The following GALNTL6 variants were observed in gnomAD, a reference collection of about 807,000 sequenced individuals.
GALNTL6 encodes polypeptide N-acetylgalactosaminyltransferase like 6.
GALNTL6 carries 46 observed loss-of-function variants against 73.7 expected under a neutral mutation model. The ratio of observed to expected loss-of-function variants is 0.62; its 90% confidence interval spans 0.49 to 0.80. The LOEUF (loss-of-function observed/expected upper bound fraction) is 0.80, where lower values mean the gene tolerates loss of function less well. GALNTL6 is among the 30% of genes least tolerant of loss of function. The probability of loss-of-function intolerance (pLI) is 0.00; values close to 1 mark genes in which losing one functional copy is unlikely to be tolerated. For missense variants in GALNTL6, 604 were observed against 755.0 expected (o/e 0.80, Z 2.34); for synonymous variants, 259 against 263.7 (o/e 0.98, Z 0.17).
chr4:172,561,719 C>A (rs959491741), intron 5 of GALNTL6, among the ~76,000 whole-genome samples: 4 of 152,090 alleles, frequency 2.6e-5, no homozygotes, highest in Non-Finnish European at 5.9e-5. Context: ...ACCTGGGAAG[C>A]CTCTTAAAAT....
chr4:171,944,524 A>G lies in GALNTL6; in HGVS notation c.138+129806A>G, dbSNP rs574342815. On this transcript the variant is annotated intron_variant, in intron 2 of 12. Transcript: ENST00000506823. The stretch of plus-strand genomic sequence containing the variant: ...TACAGTGATTTCTACTGGTGTTTTC[A>G]AAGAAAAAGTCCTATTATTCTATAA... Among the ~76,000 whole-genome samples, 6 of 152,160 alleles carry G rather than the reference A, an allele frequency of 3.9e-5. No homozygotes were observed. The South Asian group carries it at 6.2e-4, about 16-fold the overall frequency.
intron 9 of GALNTL6, 96 bp downstream of exon 9, chr4:172,931,364 C>G: frequency 3.9e-6 from 3 of 775,736 alleles, no homozygotes; most frequent in Non-Finnish European, 7.1e-6. Flanking sequence ...GAAAAGCTCT[C>G]CAGTGTACAG....
intron 5 of GALNTL6, among the ~76,000 whole-genome samples, chr4:172,482,802 T>C (rs1379026696): frequency 6.6e-6 from 1 of 152,226 alleles, no homozygotes; most frequent in Non-Finnish European, 1.5e-5. Context: ...AATGTCGTCC[T>C]AATCATTACT....
intron 7 of GALNTL6, among the ~76,000 whole-genome samples, chr4:172,823,222 G>A (rs1742040865): frequency 6.6e-6 from 1 of 152,152 alleles, no homozygotes; most frequent in Non-Finnish European, 1.5e-5. Flanking sequence ...AGGGATATAG[G>A]CCCGAGGCCT....
At chr4:172,975,972 T>C (rs545612925) in intron 10 of GALNTL6, among the ~76,000 whole-genome samples, 3 of 152,142 alleles carry the variant, frequency 2.0e-5, no homozygotes, top group Admixed American at 6.5e-5. Context: ...TACAACTGGG[T>C]TGCTGCAGCT....
chr4:172,242,255 A>T (rs1194066881), intron 3 of GALNTL6, among the ~76,000 whole-genome samples: 2 of 152,226 alleles, frequency 1.3e-5, no homozygotes, highest in African/African-American at 4.8e-5. Flanking sequence ...CCTATTTATC[A>T]TAACTTCCTT....
intron 8 of GALNTL6, among the ~76,000 whole-genome samples, chr4:172,884,730 T>C (rs1745632921): frequency 6.6e-6 from 1 of 152,230 alleles, no homozygotes; most frequent in Non-Finnish European, 1.5e-5. Context: ...CAGCATTTTC[T>C]TCTAGTAGTT....
intron 5 of GALNTL6, among the ~76,000 whole-genome samples, chr4:172,779,802 T>C (rs1211572019): frequency 6.6e-6 from 1 of 152,186 alleles, no homozygotes; most frequent in Non-Finnish European, 1.5e-5. Flanking sequence ...CTCTGAGTGG[T>C]CATTTGTAGC....
chr4:172,367,381 G>C (rs1318661708), intron 5 of GALNTL6, among the ~76,000 whole-genome samples: 2 of 152,044 alleles, frequency 1.3e-5, no homozygotes, highest in Non-Finnish European at 2.9e-5. Context: ...TGACACATTG[G>C]GTTTCAGAAG....
chr4:172,811,467 C>G (rs949635916), intron 6 of GALNTL6, among the ~76,000 whole-genome samples: 1 of 152,144 alleles, frequency 6.6e-6, no homozygotes, highest in African/African-American at 2.4e-5. Context: ...TACTAAAATA[C>G]CTGCAGGGAT....
rs145843646 is a variant in GALNTL6, at chr4:172,667,457, GGT to G, written c.554-141899_554-141898del. 1.9e-3 allele frequency: 288 copies of G among 152,336 alleles called. 2 individuals are homozygous for G. The highest frequency in any genetic ancestry group is 6.7e-3 in the African/African-American group (278 of 41,550). The allele number at this position is 152,336 out of a possible 1,614,324, so 9.4% of individuals were successfully genotyped here. Reference sequence around the variant, plus strand: ...CTGGGTTTCACAAAGTGATGGACGGGGTGTGTTCTTTTCCAGAGCTTCTGGGG... The same window carrying G: ...CTGGGTTTCACAAAGTGATGGACGGGGTGTTCTTTTCCAGAGCTTCTGGGG... On this transcript the variant is annotated intron_variant, in intron 5 of 12. Transcript: ENST00000506823.
At chr4:172,474,038 C>T (rs1170045568) in intron 5 of GALNTL6, among the ~76,000 whole-genome samples, 1 of 152,106 alleles carries the variant, frequency 6.6e-6, no homozygotes. Context: ...GCTTTTCTAC[C>T]AGTTTTTCCC....
chr4:172,479,803 T>TA (rs1468541408), intron 5 of GALNTL6, among the ~76,000 whole-genome samples: 1 of 152,118 alleles, frequency 6.6e-6, no homozygotes, highest in Non-Finnish European at 1.5e-5. Flanking sequence ...ATTAGAGAGT[T>TA]AAGTTATGAA....
Position 172,661,686 on chromosome 4 carries a change from A to G in GALNTL6, c.554-147675A>G, listed in dbSNP as rs147582753. ...CTCATGGCCAAAAATGTCTCTTCCA[A>G]AGAGCACATGCCAATTTCAGGGCCA... On this transcript the variant is annotated intron_variant, in intron 5 of 12. Transcript: ENST00000506823. Among the ~76,000 whole-genome samples, 10 of 152,338 alleles carry G rather than the reference A, an allele frequency of 6.6e-5. No individual in the cohort carries two copies. In the East Asian group the frequency reaches 1.9e-3, roughly 29 times the overall value.
At chr4:172,049,365 C>T (rs1730754241) in intron 2 of GALNTL6, among the ~76,000 whole-genome samples, 2 of 152,220 alleles carry the variant, frequency 1.3e-5, no homozygotes, top group Admixed American at 6.5e-5. Flanking sequence ...AGCTTTTGCC[C>T]ATTTCTTATC....
At chr4:172,665,763 A>C (rs947702514) in intron 5 of GALNTL6, among the ~76,000 whole-genome samples, 4 of 152,126 alleles carry the variant, frequency 2.6e-5, no homozygotes, top group African/African-American at 4.8e-5. Flanking sequence ...TTAATGAATA[A>C]ATAAACTAAT....
chr4:171,989,812 G>T, intron 2 of GALNTL6, among the ~76,000 whole-genome samples: 1 of 152,212 alleles, frequency 6.6e-6, no homozygotes. Flanking sequence ...GTCTAGGGCT[G>T]TAAAGCATCT....
At chr4:171,826,900 C>A (rs1291738564) in intron 2 of GALNTL6, among the ~76,000 whole-genome samples, 1 of 152,148 alleles carries the variant, frequency 6.6e-6, no homozygotes, top group South Asian at 2.1e-4. Context: ...CCAACCAACA[C>A]CCATACCACG....
At chr4:173,022,172 G>A (rs1753039840) in intron 12 of GALNTL6, among the ~76,000 whole-genome samples, 1 of 126,990 alleles carries the variant, frequency 7.9e-6, no homozygotes, top group Admixed American at 8.3e-5. Flanking sequence ...AGGCAGGAAG[G>A]GAGAGAGGGA....
Sources: allele counts gnomAD v4.1 joint callset (sites outside exome capture counted in the v4.1 genomes callset), GRCh38; gene constraint gnomAD v4.1.1; transcripts MANE v1.5; gene names NCBI Gene and HGNC (gene_info 2026-07-23, HGNC 2026-07-21).